Variants in CENPP observed in about 807,000 individuals in gnomAD.
CENPP encodes centromere protein P.
CENPP carries 24 observed loss-of-function variants against 35.6 expected under a neutral mutation model. The ratio of observed to expected loss-of-function variants is 0.67; its 90% confidence interval spans 0.49 to 0.95. The LOEUF (loss-of-function observed/expected upper bound fraction) is 0.95. Among genes scored for constraint, CENPP ranks in the 40% least tolerant of loss-of-function variants. The probability of loss-of-function intolerance (pLI) is 0.00; values close to 1 mark genes in which losing one functional copy is unlikely to be tolerated. For synonymous variants in CENPP, 120 were observed against 125.5 expected (o/e 0.96, Z 0.29); for missense variants, 332 against 345.3 (o/e 0.96, Z 0.31).
At chr9:92,496,240 C>A in intron 5 of CENPP, 1 of 1,499,094 alleles carries the variant, frequency 6.7e-7, no homozygotes, top group South Asian at 1.4e-5. Context: ...AGGATTATGT[C>A]TCTCTTATTA....
At chr9:92,429,520 C>T (rs1004722742) in intron 5 of CENPP, among the ~76,000 whole-genome samples, 2 of 152,136 alleles carry the variant, frequency 1.3e-5, no homozygotes, top group Non-Finnish European at 2.9e-5. Context: ...AGTGCAGTGG[C>T]TCACTCCTGT....
Position 92,615,859 on chromosome 9 carries a change from A to G in CENPP, c.*2710A>G, listed in dbSNP as rs1383277781. Reference sequence around the variant, plus strand: ...AGACCTTGTGGAGAACTAATGTGCAATCTTCGCTTTCCTTGAACCGAGTCG... The same window carrying G: ...AGACCTTGTGGAGAACTAATGTGCAGTCTTCGCTTTCCTTGAACCGAGTCG... On this transcript the variant is annotated 3_prime_UTR_variant, in exon 8 of 8. Coordinates refer to ENST00000375587, the MANE Select transcript of CENPP (RefSeq NM_001012267.3). 1.2e-6 allele frequency: 2 copies of G among 1,614,052 alleles called. No individual in the cohort carries two copies. Among genetic ancestry groups the G allele is most frequent in the Middle Eastern group, 1.7e-4 (1 of 6,054 alleles).
Position 92,615,109 on chromosome 9 carries a change from A to G in CENPP, c.*1960A>G, listed in dbSNP as rs1851391851. The G allele has an allele frequency of 6.6e-6, 1 of 152,362 alleles. No homozygotes were observed. Among genetic ancestry groups the G allele is most frequent in the Admixed American group, 6.5e-5 (1 of 15,282 alleles). 9.4% of individuals were successfully genotyped at this position (152,362 alleles called of 1,614,324 possible). A position where few individuals can be genotyped will look rare whatever the true frequency, so the allele number is the denominator to read the frequency against. ...CTACAGCAGCAATTTTTAGTGGGAA[A>G]GAACAGCTCATCTCCCCCTCATGTG... is the stretch of plus-strand genomic sequence containing the variant. On this transcript the variant is annotated 3_prime_UTR_variant, in exon 8 of 8. Transcript: ENST00000375587.
intron 5 of CENPP, chr9:92,610,405 TCA>T (rs1486609290): frequency 1.3e-5 from 2 of 152,226 alleles, no homozygotes; most frequent in Non-Finnish European, 2.9e-5. Flanking sequence ...ATTACTCTTA[TCA>T]GTTTTGAATA....
chr9:92,528,639 C>A (rs1394636948), intron 5 of CENPP, among the ~76,000 whole-genome samples: 1 of 152,190 alleles, frequency 6.6e-6, no homozygotes, highest in Non-Finnish European at 1.5e-5. Flanking sequence ...GAAAACCTTA[C>A]AATTCACAGG....
At chr9:92,362,452 A>G (rs573721180) in intron 4 of CENPP, among the ~76,000 whole-genome samples, 1 of 151,920 alleles carries the variant, frequency 6.6e-6, no homozygotes, top group Non-Finnish European at 1.5e-5. Flanking sequence ...TTTGTCTTTG[A>G]TCATCTATTG....
chr9:92,532,015 G>GTTTTTTTTGTTTTTTTTT (rs1563990161), intron 5 of CENPP, among the ~76,000 whole-genome samples: 1 of 95,736 alleles, frequency 1.0e-5, no homozygotes, highest in Non-Finnish European at 1.9e-5. Context: ...TTTATTTAAT[G>GTTTTTTTTGTTTTTTTTT]TTTTTTTTTT....
chr9:92,447,525 A>C (rs553798096), intron 5 of CENPP, among the ~76,000 whole-genome samples: 2 of 152,308 alleles, frequency 1.3e-5, no homozygotes, highest in African/African-American at 4.8e-5. Flanking sequence ...ATACAGATGA[A>C]GCTTCACTCA....
At chr9:92,329,196 T>C (rs1246357410) in intron 1 of CENPP, among the ~76,000 whole-genome samples, 1 of 150,306 alleles carries the variant, frequency 6.7e-6, no homozygotes, top group Non-Finnish European at 1.5e-5. Flanking sequence ...TTTTTTTTTT[T>C]TTTTTGAGAC....
At chr9:92,548,595 A>G (rs1849523213) in intron 5 of CENPP, among the ~76,000 whole-genome samples, 1 of 152,256 alleles carries the variant, frequency 6.6e-6, no homozygotes, top group Non-Finnish European at 1.5e-5. Flanking sequence ...TTGTCTTTAT[A>G]CAGTGAGATA....
intron 5 of CENPP, among the ~76,000 whole-genome samples, chr9:92,557,112 T>C (rs1849741648): frequency 6.6e-6 from 1 of 152,202 alleles, no homozygotes; most frequent in African/African-American, 2.4e-5. Context: ...AATACAAAAT[T>C]ATTGGCTGAT....
Position 92,615,759 on chromosome 9 carries a change from A to G in CENPP, c.*2610A>G. ...AACATTCACAACCAAAGGTCACCCAACACAACAGAAAATATCTCTATCATT... is the reference window on the plus strand; with the variant it reads ...AACATTCACAACCAAAGGTCACCCAGCACAACAGAAAATATCTCTATCATT... On this transcript the variant is annotated 3_prime_UTR_variant, in exon 8 of 8. Coordinates refer to ENST00000375587, the MANE Select transcript of CENPP (RefSeq NM_001012267.3). The G allele has an allele frequency of 3.1e-6, 4 of 1,286,998 alleles. No homozygotes were observed. The highest frequency in any genetic ancestry group is 4.5e-6 in the Non-Finnish European group (4 of 896,366). The allele number at this position is 1,286,998 out of a possible 1,614,324, so 79.7% of individuals were successfully genotyped here.
intron 5 of CENPP, among the ~76,000 whole-genome samples, chr9:92,499,494 A>G (rs1846546585): frequency 6.6e-6 from 1 of 152,228 alleles, no homozygotes; most frequent in African/African-American, 2.4e-5. Context: ...CATTGGTTCA[A>G]TGATGGAGGA....
intron 4 of CENPP, among the ~76,000 whole-genome samples, chr9:92,353,547 T>A (rs775854476): frequency 1.3e-5 from 2 of 152,226 alleles, no homozygotes; most frequent in Non-Finnish European, 2.9e-5. Context: ...GTAGAATGAT[T>A]TCATCTTGAT....
Position 92,619,527 on chromosome 9 carries a change from G to GCAGT in CENPP, c.*6380_*6383dup, listed in dbSNP as rs1564026428. ...AGGGAGACAGTGCAATCATGATGGAGCAGTCCTTGGCAGTCATGGCGACGC... is the reference window on the plus strand; with the variant it reads ...AGGGAGACAGTGCAATCATGATGGAGCAGTCAGTCCTTGGCAGTCATGGCGACGC... On this transcript the variant is annotated 3_prime_UTR_variant, in exon 8 of 8. Coordinates refer to ENST00000375587, the MANE Select transcript of CENPP (RefSeq NM_001012267.3). 6.3e-7 allele frequency: 1 copy of GCAGT among 1,591,550 alleles called. No homozygotes were observed. The highest frequency in any genetic ancestry group is 1.3e-5 in the African/African-American group (1 of 74,806).
At chr9:92,559,196 T>C (rs1236788243) in intron 5 of CENPP, among the ~76,000 whole-genome samples, 1 of 152,196 alleles carries the variant, frequency 6.6e-6, no homozygotes, top group Non-Finnish European at 1.5e-5. Context: ...ATTCTCCCTG[T>C]GGAGTTTTAC....
At chr9:92,372,704 A>G (rs1156453423) in intron 4 of CENPP, among the ~76,000 whole-genome samples, 1 of 152,190 alleles carries the variant, frequency 6.6e-6, no homozygotes, top group Non-Finnish European at 1.5e-5. Flanking sequence ...TTAGTTGACT[A>G]CATTTGGTTG....
At chr9:92,480,435 C>T (rs1031835843) in intron 5 of CENPP, among the ~76,000 whole-genome samples, 13 of 152,204 alleles carry the variant, frequency 8.5e-5, no homozygotes, top group Admixed American at 7.9e-4. Context: ...TTGCACTAGA[C>T]TGCATGTCCT....
At chr9:92,427,535 C>G (rs932231664) in intron 5 of CENPP, among the ~76,000 whole-genome samples, 3 of 152,018 alleles carry the variant, frequency 2.0e-5, no homozygotes, top group Non-Finnish European at 4.4e-5. Flanking sequence ...GGCTGGAGTG[C>G]AGTGGTGTGA....
Sources: gnomAD v4.1 joint callset for allele counts (sites outside exome capture counted in the v4.1 genomes callset) on GRCh38, gnomAD v4.1.1 for gene constraint, MANE v1.5 for transcripts, NCBI Gene and HGNC (gene_info 2026-07-23, HGNC 2026-07-21) for gene names.